KCNJ3: variants seen among roughly 807,000 people sequenced by gnomAD.
The protein encoded by KCNJ3 is G protein-activated inward rectifier potassium channel 1.
Under a neutral mutation model 39.2 loss-of-function variants are expected in KCNJ3, and 4 were observed. The observed-to-expected ratio is 0.10, with a 90% CI of 0.05 to 0.23. The LOEUF (loss-of-function observed/expected upper bound fraction) is 0.23, where lower values mean the gene tolerates loss of function less well. KCNJ3 is among the 10% of genes least tolerant of loss of function. The probability of loss-of-function intolerance (pLI) is 1.00; values close to 1 mark genes in which losing one functional copy is unlikely to be tolerated. For missense variants in KCNJ3, 276 were observed against 634.9 expected, an observed-to-expected ratio of 0.43 and a Z score of 6.08; for synonymous variants, 230 against 237.4, an observed-to-expected ratio of 0.97 and a Z score of 0.29.
chr2:154,773,647 T>C (rs1277554149), intron 2 of KCNJ3, among the ~76,000 whole-genome samples: 1 of 152,138 alleles, frequency 6.6e-6, no homozygotes, highest in Non-Finnish European at 1.5e-5. Context: ...ATATCACTAG[T>C]ATTCTGTATT....
chr2:154,827,346 A>G (rs1408081621), intron 2 of KCNJ3, among the ~76,000 whole-genome samples: 1 of 152,186 alleles, frequency 6.6e-6, no homozygotes. Context: ...TCTTTTTAAA[A>G]GAACCTCTCA....
chr2:154,819,426 GT>G (rs1687133224), intron 2 of KCNJ3, among the ~76,000 whole-genome samples: 1 of 152,036 alleles, frequency 6.6e-6, no homozygotes, highest in Non-Finnish European at 1.5e-5. Flanking sequence ...GAATTTTTAA[GT>G]TGAACCTTTA....
At chr2:154,853,691 T>C (rs1382284497) in intron 2 of KCNJ3, among the ~76,000 whole-genome samples, 1 of 152,170 alleles carries the variant, frequency 6.6e-6, no homozygotes, top group Non-Finnish European at 1.5e-5. Flanking sequence ...ACTTGATATA[T>C]GGTTTTAATT....
At chr2:154,781,843 C>T (rs555438579) in intron 2 of KCNJ3, among the ~76,000 whole-genome samples, 1 of 152,122 alleles carries the variant, frequency 6.6e-6, no homozygotes, top group Non-Finnish European at 1.5e-5. Context: ...CAATGCTTAC[C>T]TTACTCTTAG....
At chr2:154,774,356 T>C (rs867079140) in intron 2 of KCNJ3, among the ~76,000 whole-genome samples, 4 of 150,820 alleles carry the variant, frequency 2.7e-5, no homozygotes, top group African/African-American at 9.8e-5. Flanking sequence ...AAGAAAGTTA[T>C]GCTCATTTAC....
In KCNJ3 at chr2:154,856,736, C is replaced by G. The variant is rs1211022343; in HGVS notation, c.*1423C>G. 6.6e-6 allele frequency: 1 copy of G among 152,118 alleles called. No homozygotes were observed. Among genetic ancestry groups the G allele is most frequent in the African/African-American group, 2.4e-5 (1 of 41,444 alleles). The allele number at this position is 152,118 out of a possible 1,614,324, so 9.4% of individuals were successfully genotyped here. On this transcript the variant is annotated 3_prime_UTR_variant, in exon 3 of 3. Transcript: ENST00000295101. ...GTACTGTTTTTTCTAATCCTGAAGT[C>G]TGATATTTATGACTCATTAGCAGGA...
At chr2:154,746,260 G>T (rs1001561910) in intron 2 of KCNJ3, among the ~76,000 whole-genome samples, 2 of 151,636 alleles carry the variant, frequency 1.3e-5, no homozygotes, top group African/African-American at 4.8e-5. Flanking sequence ...TATTGATAAG[G>T]TTTCCGGTCA....
intron 2 of KCNJ3, among the ~76,000 whole-genome samples, chr2:154,798,188 G>GCACACACA (rs57495585): frequency 3.2e-4 from 37 of 114,814 alleles, no homozygotes; most frequent in African/African-American, 1.1e-3. Context: ...TTCGAACACC[G>GCACACACA]CACACACACA....
At chr2:154,747,921 G>A (rs1685775377) in intron 2 of KCNJ3, among the ~76,000 whole-genome samples, 1 of 151,848 alleles carries the variant, frequency 6.6e-6, no homozygotes, top group Admixed American at 6.6e-5. Flanking sequence ...CATGGGCTTG[G>A]TCAGGAAGCA....
intron 2 of KCNJ3, among the ~76,000 whole-genome samples, chr2:154,733,016 T>C (rs1685469979): frequency 6.6e-6 from 1 of 152,148 alleles, no homozygotes; most frequent in African/African-American, 2.4e-5. Context: ...TTAGTGTTGA[T>C]TTTTGGTTAA....
intron 2 of KCNJ3, among the ~76,000 whole-genome samples, chr2:154,848,713 A>G (rs996040836): frequency 2.0e-5 from 3 of 152,150 alleles, no homozygotes; most frequent in African/African-American, 7.2e-5. Context: ...TCAAGATTAG[A>G]AAAACGGAGG....
intron 2 of KCNJ3, among the ~76,000 whole-genome samples, chr2:154,829,120 T>C (rs1687320139): frequency 6.6e-6 from 1 of 152,174 alleles, no homozygotes; most frequent in Non-Finnish European, 1.5e-5. Flanking sequence ...TCAAATATTA[T>C]TTATTTATGT....
At chr2:154,852,820 T>C in intron 2 of KCNJ3, among the ~76,000 whole-genome samples, 1 of 152,110 alleles carries the variant, frequency 6.6e-6, no homozygotes. Flanking sequence ...TTATCTTATA[T>C]ATAAATGTTT....
intron 2 of KCNJ3, among the ~76,000 whole-genome samples, chr2:154,773,724 A>C (rs914546631): frequency 1.3e-5 from 2 of 152,232 alleles, no homozygotes; most frequent in South Asian, 4.1e-4. Flanking sequence ...ATGCATTTTC[A>C]GAAGTTTTGA....
chr2:154,848,593 C>G (rs1252466828), intron 2 of KCNJ3, among the ~76,000 whole-genome samples: 2 of 152,128 alleles, frequency 1.3e-5, no homozygotes, highest in Non-Finnish European at 2.9e-5. Flanking sequence ...ATAGCAGCTA[C>G]AATAAATATC....
chr2:154,801,611 C>CT (rs1224596904), intron 2 of KCNJ3, among the ~76,000 whole-genome samples: 3 of 122,818 alleles, frequency 2.4e-5, no homozygotes, highest in South Asian at 2.5e-4. Context: ...CTTTCTTTCT[C>CT]TTTTTTTTGG....
chr2:154,829,797 A>T (rs1687332256), intron 2 of KCNJ3, among the ~76,000 whole-genome samples: 1 of 152,016 alleles, frequency 6.6e-6, no homozygotes, highest in South Asian at 2.1e-4. Flanking sequence ...TAATAATAAC[A>T]TTCTTATTAT....
rs532582118 is a variant in KCNJ3, at chr2:154,806,477, C to T, written c.920-48250C>T. Among the ~76,000 whole-genome samples, 6 of 152,304 alleles carry T rather than the reference C, an allele frequency of 3.9e-5. No homozygotes were observed. The East Asian group carries it at 1.2e-3, about 29-fold the overall frequency. The stretch of plus-strand genomic sequence containing the variant: ...CTGTCCACCAGGGAGCACACAGTTA[C>T]ATGGTTGTCATACTCTGGTAGACTT... On this transcript the variant is annotated intron_variant, in intron 2 of 2. Transcript: ENST00000295101.
At chr2:154,712,517 A>C (rs3111022) in intron 2 of KCNJ3, among the ~76,000 whole-genome samples, 15,979 of 152,182 alleles carry the variant, frequency 0.1, 1,178 homozygotes, top group African/African-American at 0.21. Flanking sequence ...TCAGTCACTC[A>C]TGTATTAGAT....
Sources: gnomAD v4.1 joint callset for allele counts (sites outside exome capture counted in the v4.1 genomes callset) on GRCh38, gnomAD v4.1.1 for gene constraint, MANE v1.5 for transcripts, NCBI Gene and HGNC (gene_info 2026-07-23, HGNC 2026-07-21) for gene names.